The following SLC15A1 variants were observed in gnomAD, a reference collection of about 807,000 sequenced individuals.
The protein encoded by SLC15A1 is Caco-2 oligopeptide transporter.
SLC15A1 carries 83 observed loss-of-function variants against 92.9 expected under a neutral mutation model. That is an observed-to-expected ratio of 0.89 (90% confidence interval 0.75 to 1.07). The LOEUF is 1.07. SLC15A1 is among the 50% of genes least tolerant of loss of function. SLC15A1 has a pLI of 0.00. For missense variants in SLC15A1, 857 were observed against 880.1 expected (o/e 0.97, Z 0.33); for synonymous variants, 322 against 318.2 (o/e 1.01, Z -0.13).
intron 1 of SLC15A1, among the ~76,000 whole-genome samples, chr13:98,732,665 A>T (rs1330639571): frequency 6.6e-6 from 1 of 152,192 alleles, no homozygotes; most frequent in Non-Finnish European, 1.5e-5. Flanking sequence ...GGCTGCCGAG[A>T]GTGCATCTCT....
chr13:98,704,304 G>A lies in SLC15A1; in HGVS notation c.1401C>T (p.Pro467=). The change falls in exon 17 of 23, where the codon CCC becomes CCT. Residue 467 remains proline, a synonymous_variant. Coordinates refer to ENST00000376503, the MANE Select transcript of SLC15A1 (RefSeq NM_005073.4). ...ACACACTTACCACCTGGTAGTGATT[G>A]GGGGCCCACACTAGAAGCGTGTGGC... is the stretch of plus-strand genomic sequence containing the variant. ...GQRHTLLVWA[P]NHYQVVKDGL... 1.2e-6 allele frequency: 2 copies of A among 1,609,590 alleles called. No homozygotes were observed. The highest frequency in any genetic ancestry group is 1.7e-6 in the Non-Finnish European group (2 of 1,178,222).
At chr13:98,694,072 C>A (rs552438456) in intron 18 of SLC15A1, among the ~76,000 whole-genome samples, 24 of 152,208 alleles carry the variant, frequency 1.6e-4, no homozygotes, top group Admixed American at 1.0e-3. Flanking sequence ...GGATCAACTT[C>A]AGTCTTTTGC....
chr13:98,718,158 T>C (rs1289586756), intron 8 of SLC15A1, among the ~76,000 whole-genome samples: 1 of 151,988 alleles, frequency 6.6e-6, no homozygotes. Context: ...ATTATGGAAA[T>C]GTAGATGTTC....
At chr13:98,703,017 G>T (rs1456968386) in intron 17 of SLC15A1, among the ~76,000 whole-genome samples, 1 of 150,746 alleles carries the variant, frequency 6.6e-6, no homozygotes, top group Non-Finnish European at 1.5e-5. Flanking sequence ...GGGTTTCTGG[G>T]CCAGGCATGG....
chr13:98,699,190 C>T (rs1285798363), intron 18 of SLC15A1, among the ~76,000 whole-genome samples: 4 of 152,238 alleles, frequency 2.6e-5, no homozygotes, highest in South Asian at 4.1e-4. Flanking sequence ...TGGAATTATA[C>T]AATTATTCTG....
chr13:98,704,491 A>G lies in SLC15A1; in HGVS notation c.1270-56T>C, dbSNP rs2088096568. On this transcript the variant is annotated intron_variant, in intron 16 of 22. Transcript: ENST00000376503. ...TATCACAGAGTCTCGGCACTATGCA[A>G]CTGAACGCTGGAAGAGCAGTTATCT... is the stretch of plus-strand genomic sequence containing the variant. The G allele has an allele frequency of 2.7e-6, 4 of 1,497,912 alleles. No homozygotes were observed. The African/African-American group carries it at 4.3e-5, about 16-fold the overall frequency. 92.8% of individuals were successfully genotyped at this position (1,497,912 alleles called of 1,614,324 possible). A position where few individuals can be genotyped will look rare whatever the true frequency, so the allele number is the denominator to read the frequency against.
At chr13:98,704,204 G>T (rs567170506) in intron 17 of SLC15A1, 85 bp downstream of exon 17, 11 of 1,305,612 alleles carry the variant, frequency 8.4e-6, no homozygotes, top group Non-Finnish European at 1.1e-5. Context: ...CACTATATGG[G>T]AGTAAAACAA....
chr13:98,709,472 C>G (rs2088143179), intron 14 of SLC15A1, 100 bp downstream of exon 14: 8 of 843,532 alleles, frequency 9.5e-6, no homozygotes, highest in Non-Finnish European at 1.6e-5. Flanking sequence ...ACCCTATCCT[C>G]TAGGCGAGGT....
chr13:98,738,458 A>G (rs907417928), intron 1 of SLC15A1, among the ~76,000 whole-genome samples: 1 of 152,266 alleles, frequency 6.6e-6, no homozygotes, highest in Non-Finnish European at 1.5e-5. Context: ...TTCATGGGCC[A>G]GCCCAGGGCC....
rs1593981499 is a variant in SLC15A1 at position 98,694,860 on chromosome 13, A to G, written c.1467-6283T>C. On this transcript the variant is annotated intron_variant, in intron 18 of 22. Coordinates refer to ENST00000376503, the MANE Select transcript of SLC15A1 (RefSeq NM_005073.4). ...GCCAACATGGTGAAACCCTGTCTCTACTAAAATACAAAAAAAGATTAGCTG... is the reference window on the plus strand; with the variant it reads ...GCCAACATGGTGAAACCCTGTCTCTGCTAAAATACAAAAAAAGATTAGCTG... Among the ~76,000 whole-genome samples, 3 of 151,940 alleles carry G rather than the reference A, an allele frequency of 2.0e-5. No individual in the cohort carries two copies. In the East Asian group the frequency reaches 5.8e-4, roughly 29 times the overall value.
intron 1 of SLC15A1, among the ~76,000 whole-genome samples, chr13:98,738,136 C>A (rs115739693): frequency 6.1e-4 from 93 of 152,318 alleles, no homozygotes; most frequent in African/African-American, 2.1e-3. Flanking sequence ...CTGGCTGCTT[C>A]TAACAACCTA....
chr13:98,692,808 C>T (rs569701084), intron 18 of SLC15A1, among the ~76,000 whole-genome samples: 30 of 152,264 alleles, frequency 2.0e-4, no homozygotes, highest in African/African-American at 6.3e-4. Context: ...TGCAGTGGCA[C>T]CAACATGGCT....
chr13:98,685,391 G>A (rs1380042295), intron 22 of SLC15A1, among the ~76,000 whole-genome samples: 1 of 152,212 alleles, frequency 6.6e-6, no homozygotes, highest in Non-Finnish European at 1.5e-5. Flanking sequence ...GTCATGAAAC[G>A]GATGGGATAA....
chr13:98,685,237 A>G (rs1232443309), intron 22 of SLC15A1, among the ~76,000 whole-genome samples: 1 of 152,250 alleles, frequency 6.6e-6, no homozygotes, highest in African/African-American at 2.4e-5. Context: ...ATGGGGACCA[A>G]GAGAACAGCA....
rs72650319 is a variant in SLC15A1, at chr13:98,734,337, T to C, written c.5-7478A>G. 7.1e-3 allele frequency among the ~76,000 whole-genome samples: 1,078 copies of C among 152,314 alleles called. 5 individuals are homozygous for C. The highest frequency in any genetic ancestry group is 0.024 in the Middle Eastern group (7 of 294). ...TCCAAGATGGCCAAATAGGAACAGCTCTGGTCTGCAGGTCTCAGCGTGATC... is the reference window on the plus strand; with the variant it reads ...TCCAAGATGGCCAAATAGGAACAGCCCTGGTCTGCAGGTCTCAGCGTGATC... On this transcript the variant is annotated intron_variant, in intron 1 of 22. Coordinates refer to ENST00000376503, the MANE Select transcript of SLC15A1 (RefSeq NM_005073.4).
chr13:98,749,183 A>C (rs1325963749), intron 1 of SLC15A1, among the ~76,000 whole-genome samples: 1 of 152,178 alleles, frequency 6.6e-6, no homozygotes, highest in East Asian at 1.9e-4. Flanking sequence ...AAGAGTTGAC[A>C]GGAGGAGGAG....
chr13:98,733,749 T>C (rs1389946988), intron 1 of SLC15A1, among the ~76,000 whole-genome samples: 8 of 152,210 alleles, frequency 5.3e-5, no homozygotes, highest in Admixed American at 2.0e-4. Context: ...CTCCTAGCCA[T>C]GTGGCCTTGA....
At position 98,701,620 on chromosome 13, in the gene SLC15A1, C is replaced by T. The variant is rs573619441; in HGVS notation, c.1466+860G>A. On this transcript the variant is annotated intron_variant, in intron 18 of 22. Coordinates refer to ENST00000376503, the MANE Select transcript of SLC15A1 (RefSeq NM_005073.4). ...AGCTCAGGTGATCCTCCCACCTCAG[C>T]CCCCTGAGTGGCTGGGATTACAGGC... 3.8e-4 allele frequency among the ~76,000 whole-genome samples: 57 copies of T among 151,872 alleles called. No homozygotes were observed. In the East Asian group the frequency reaches 0.011, roughly 29 times the overall value.
At chr13:98,731,428 C>T (rs1209080068) in intron 1 of SLC15A1, among the ~76,000 whole-genome samples, 1 of 152,252 alleles carries the variant, frequency 6.6e-6, no homozygotes, top group Admixed American at 6.5e-5. Context: ...GGCAACAGCA[C>T]GTTATGCTTC....
Sources: gnomAD v4.1 joint callset for allele counts (sites outside exome capture counted in the v4.1 genomes callset) on GRCh38, gnomAD v4.1.1 for gene constraint, MANE v1.5 for transcripts, NCBI Gene and HGNC (gene_info 2026-07-23, HGNC 2026-07-21) for gene names.